NBPF20: variants seen among roughly 807,000 people sequenced by gnomAD.
NBPF20 encodes NBPF member 20.
Under a neutral mutation model 68.1 loss-of-function variants are expected in NBPF20, and 90 were observed. The ratio of observed to expected loss-of-function variants is 1.32; its 90% CI spans 1.11 to 1.58. NBPF20 has a LOEUF of 1.58. Among genes scored for constraint, NBPF20 ranks in the 40% most tolerant of loss-of-function variants. The pLI is 0.00. For missense variants in NBPF20, 816 were observed against 601.2 expected (o/e 1.36, Z -3.74); for synonymous variants, 290 against 228.1 (o/e 1.27, Z -2.45).
At chr1:145,334,901 G>A (rs1661562356) in intron 83 of NBPF20, among the ~76,000 whole-genome samples, 1 of 134,534 alleles carries the variant, frequency 7.4e-6, no homozygotes, top group Non-Finnish European at 1.7e-5. Context: ...ACACACTGAT[G>A]AAGGGGTCAA....
chr1:145,291,183 A>G, exon 138 of NBPF20: 1 of 433,866 alleles, frequency 2.3e-6, no homozygotes, highest in Non-Finnish European at 4.2e-6. Flanking sequence ...AAAGATGACA[A>G]TGACCTTGAG....
At position 145,291,657 on chromosome 1, in the gene NBPF20, A is replaced by C. The variant is rs587742413; in HGVS notation, c.16810T>G (p.Tyr5604Asp). 3 of 1,611,874 alleles carry C rather than the reference A, an allele frequency of 1.9e-6. No individual in the cohort carries two copies. The South Asian group carries it at 3.3e-5, about 18-fold the overall frequency. The change falls in exon 138 of 138, where the codon TAC becomes GAC. Residue 5604 changes from tyrosine to aspartate, a missense_variant. Coordinates refer to ENST00000369373, the Ensembl canonical transcript of NBPF20. The stretch of plus-strand genomic sequence containing the variant: ...TCAAATGAGTAAAACACACTTCTGT[A>C]GTGCTGGAATGAGTCAGGTAGTTCA...
chr1:145,425,583 C>T, the NBPF20 span, among the ~76,000 whole-genome samples: 3 of 152,200 alleles, frequency 2.0e-5, no homozygotes, highest in African/African-American at 7.2e-5. Context: ...GCTGGATCCT[C>T]AGGGTCTCGC....
At chr1:145,404,407 C>T (rs1662672778) in intron 2 of NBPF20, among the ~76,000 whole-genome samples, 2 of 151,914 alleles carry the variant, frequency 1.3e-5, no homozygotes, top group Non-Finnish European at 2.9e-5. Context: ...TACAGTTGCC[C>T]ACCACGACGC....
At chr1:145,292,716 A>C (rs1661218764) in intron 136 of NBPF20, among the ~76,000 whole-genome samples, 1 of 141,576 alleles carries the variant, frequency 7.1e-6, no homozygotes, top group East Asian at 2.0e-4. Flanking sequence ...TCGTTATCCC[A>C]ATATCATTTG....
chr1:145,340,866 G>A (rs1661600997), exon 76 of NBPF20: 1 of 156,656 alleles, frequency 6.4e-6, no homozygotes, highest in South Asian at 3.3e-5. Flanking sequence ...CAACCTGAAG[G>A]AGTTGAATAA....
intron 7 of NBPF20, among the ~76,000 whole-genome samples, chr1:145,395,813 CAA>C (rs1662209657): frequency 6.7e-6 from 1 of 148,178 alleles, no homozygotes; most frequent in Non-Finnish European, 1.5e-5. Flanking sequence ...TCAACATCAA[CAA>C]AAAAGACATC....
chr1:145,291,754 C>A (rs782588870), exon 138 of NBPF20: 30 of 1,610,522 alleles, frequency 1.9e-5, no homozygotes, highest in Non-Finnish European at 2.4e-5. Flanking sequence ...CCACTTCCAT[C>A]AGCACGCCGT....
At chr1:145,372,536 G>A (rs1314158954) in exon 36 of NBPF20, 16 of 472,436 alleles carry the variant, frequency 3.4e-5, no homozygotes, top group African/African-American at 1.5e-4. Flanking sequence ...GCCAAGCCAA[G>A]GTACTGTTCC....
chr1:145,402,778 C>T (rs1254401504), intron 3 of NBPF20, among the ~76,000 whole-genome samples: 12 of 148,614 alleles, frequency 8.1e-5, no homozygotes, highest in South Asian at 4.5e-4. Flanking sequence ...GCAGATGGGG[C>T]GAATTGAAAA....
At chr1:145,400,746 T>G (rs1307417653) in intron 5 of NBPF20, among the ~76,000 whole-genome samples, 152 bp from the exon 11 acceptor site, 1 of 152,170 alleles carries the variant, frequency 6.6e-6, no homozygotes, top group Non-Finnish European at 1.5e-5. Flanking sequence ...TGCAATCCTG[T>G]TCTCTCTGCA....
At chr1:145,377,640 G>C (rs1293007264) in intron 29 of NBPF20, among the ~76,000 whole-genome samples, 2 of 142,326 alleles carry the variant, frequency 1.4e-5, no homozygotes, top group Admixed American at 1.5e-4. Context: ...GGGAGAGGGA[G>C]GGAGAGAGAG....
At chr1:145,403,195 G>A (rs1662608983) in intron 3 of NBPF20, 21 bp downstream of exon 8, 2 of 1,612,070 alleles carry the variant, frequency 1.2e-6, no homozygotes, top group Admixed American at 1.7e-5. Context: ...CCCCCTGCCT[G>A]CCACCATGGG....
chr1:145,377,500 C>T, intron 29 of NBPF20, 62 bp from the exon 35 acceptor site: 1 of 266,148 alleles, frequency 3.8e-6, no homozygotes. Context: ...ACAGCCCCAG[C>T]TAGATTTCAT....
At chr1:145,400,898 T>C (rs1194461473) in intron 5 of NBPF20, among the ~76,000 whole-genome samples, 161 bp downstream of exon 10, 2 of 151,860 alleles carry the variant, frequency 1.3e-5, no homozygotes, top group African/African-American at 2.4e-5. Context: ...CAGAGAAACA[T>C]GACAGCTGCC....
chr1:145,292,452 T>C (rs782631537), exon 137 of NBPF20: 3 of 717,454 alleles, frequency 4.2e-6, no homozygotes, highest in South Asian at 2.9e-5. Context: ...TTGATCTTCT[T>C]CCCCTTCTTT....
At chr1:145,424,481 A>G in the NBPF20 span, among the ~76,000 whole-genome samples, 1 of 152,194 alleles carries the variant, frequency 6.6e-6, no homozygotes, top group African/African-American at 2.4e-5. Flanking sequence ...ACTAAACACT[A>G]CCAGCAGATC....
chr1:145,393,067 T>C lies in NBPF20; in HGVS notation c.1216+7A>G, dbSNP rs1211101304. The C allele has an allele frequency of 7.4e-6, 4 of 542,548 alleles. 1 individual carries two copies. The highest frequency in any genetic ancestry group is 1.2e-5 in the Non-Finnish European group (4 of 322,164). The allele number at this position is 542,548 out of a possible 1,614,324, so 33.6% of individuals were successfully genotyped here. ...GATCCTTATCACCTTCATAGAAAGG[T>C]ACTCACCATCCATGTCAACAGCCAA... On this transcript the variant is annotated splice_region_variant and intron_variant, in intron 10 of 137. Transcript: ENST00000369373.
At chr1:145,405,060 A>G in intron 2 of NBPF20, 38 bp downstream of exon 7, 1 of 1,612,648 alleles carries the variant, frequency 6.2e-7, no homozygotes, top group Non-Finnish European at 8.5e-7. Flanking sequence ...ACAGGACATC[A>G]TTCATCACTT....
Sources: allele counts gnomAD v4.1 joint callset (sites outside exome capture counted in the v4.1 genomes callset), GRCh38; gene constraint gnomAD v4.1.1; transcripts MANE v1.5; gene names NCBI Gene and HGNC (gene_info 2026-07-23, HGNC 2026-07-21).